The following SGCD variants were observed in gnomAD, a reference collection of about 807,000 sequenced individuals.
SGCD encodes delta-sarcoglycan.
SGCD carries 18 observed loss-of-function variants against 36.6 expected under a neutral mutation model. That is an observed-to-expected ratio of 0.49 (90% CI 0.34 to 0.73). The LOEUF is 0.73. SGCD is among the 30% of genes least tolerant of loss of function. The pLI is 0.01. For synonymous variants in SGCD, 133 were observed against 130.6 expected, an observed-to-expected ratio of 1.02 and a Z score of -0.12; for missense variants, 387 against 346.7, an observed-to-expected ratio of 1.12 and a Z score of -0.92.
intron 3 of SGCD, among the ~76,000 whole-genome samples, chr5:156,234,864 G>A (rs1029496107): frequency 6.6e-6 from 1 of 152,140 alleles, no homozygotes; most frequent in East Asian, 1.9e-4. Flanking sequence ...GAACTAGGTA[G>A]GGTTGTAATC....
intron 3 of SGCD, among the ~76,000 whole-genome samples, chr5:156,430,712 G>A (rs1773897874): frequency 6.6e-6 from 1 of 151,636 alleles, no homozygotes; most frequent in South Asian, 2.1e-4. Flanking sequence ...GATTATTTTA[G>A]CTTAATTTGA....
chr5:155,876,659 A>G (rs1755774468), intron 1 of SGCD, among the ~76,000 whole-genome samples: 1 of 152,096 alleles, frequency 6.6e-6, no homozygotes, highest in African/African-American at 2.4e-5. Context: ...GTGATCATCT[A>G]AGTCCATGCC....
chr5:156,264,910 A>C (rs531983504), intron 3 of SGCD, among the ~76,000 whole-genome samples: 18 of 152,282 alleles, frequency 1.2e-4, no homozygotes, highest in South Asian at 6.2e-4. Flanking sequence ...TGAATTCTTC[A>C]TTCCAAACTC....
intron 4 of SGCD, among the ~76,000 whole-genome samples, chr5:156,528,850 G>A (rs1757755915): frequency 1.3e-5 from 2 of 152,252 alleles, no homozygotes; most frequent in African/African-American, 2.4e-5. Context: ...GTCCTTCAAA[G>A]CTTTGGGTTT....
At chr5:155,809,543 T>A in the SGCD span, among the ~76,000 whole-genome samples, 5 of 152,102 alleles carry the variant, frequency 3.3e-5, no homozygotes, top group Admixed American at 6.5e-5. Flanking sequence ...AATACCTGAA[T>A]GTGTGATCAA....
chr5:155,921,631 G>T (rs752415990), intron 1 of SGCD, among the ~76,000 whole-genome samples: 1 of 152,144 alleles, frequency 6.6e-6, no homozygotes. Context: ...CAAATGGGAT[G>T]TGAAGCCTCT....
At chr5:156,302,097 T>C (rs1351028850) in intron 3 of SGCD, among the ~76,000 whole-genome samples, 2 of 152,310 alleles carry the variant, frequency 1.3e-5, no homozygotes, top group Non-Finnish European at 2.9e-5. Flanking sequence ...ATAAACTTTC[T>C]ACGGCTATCT....
At chr5:155,788,114 T>C in the SGCD span, among the ~76,000 whole-genome samples, 1 of 152,178 alleles carries the variant, frequency 6.6e-6, no homozygotes, top group African/African-American at 2.4e-5. Context: ...GGTGTGACTC[T>C]TTACCCTGAA....
At chr5:155,970,837 A>T (rs1335525890) in intron 1 of SGCD, among the ~76,000 whole-genome samples, 1 of 152,206 alleles carries the variant, frequency 6.6e-6, no homozygotes, top group Non-Finnish European at 1.5e-5. Flanking sequence ...TTGTTTCAGT[A>T]GCAAGTATCA....
intron 3 of SGCD, among the ~76,000 whole-genome samples, chr5:156,380,864 G>A (rs562164047): frequency 3.9e-5 from 6 of 152,310 alleles, no homozygotes; most frequent in African/African-American, 1.4e-4. Context: ...GGCATGGGAT[G>A]TGATGATACA....
At chr5:156,582,773 G>C (rs1760325866) in intron 4 of SGCD, among the ~76,000 whole-genome samples, 1 of 152,028 alleles carries the variant, frequency 6.6e-6, no homozygotes, top group African/African-American at 2.4e-5. Flanking sequence ...ACTATCCTTT[G>C]GACACACACA....
intron 1 of SGCD, among the ~76,000 whole-genome samples, chr5:155,998,263 C>G (rs953777147): frequency 6.6e-6 from 1 of 152,072 alleles, no homozygotes; most frequent in Non-Finnish European, 1.5e-5. Flanking sequence ...ATGTAGAATT[C>G]TAATGTCAGC....
chr5:156,003,785 T>C (rs1303771276), intron 1 of SGCD, among the ~76,000 whole-genome samples: 1 of 152,190 alleles, frequency 6.6e-6, no homozygotes, highest in Admixed American at 6.5e-5. Context: ...TTTAAAGTAA[T>C]GATCCTCAGG....
At chr5:156,513,369 C>G (rs111681388) in intron 4 of SGCD, among the ~76,000 whole-genome samples, 21 of 152,266 alleles carry the variant, frequency 1.4e-4, no homozygotes, top group East Asian at 5.8e-4. Flanking sequence ...TTCCATTCAC[C>G]ACTTTGTTAT....
At chr5:155,758,720 G>A in the SGCD span, among the ~76,000 whole-genome samples, 3 of 152,256 alleles carry the variant, frequency 2.0e-5, no homozygotes, top group Non-Finnish European at 2.9e-5. Flanking sequence ...AAGTAGAACA[G>A]TTTCATTCCC....
chr5:156,206,417 T>A (rs1326469022), intron 3 of SGCD, among the ~76,000 whole-genome samples: 1 of 152,040 alleles, frequency 6.6e-6, no homozygotes, highest in Non-Finnish European at 1.5e-5. Flanking sequence ...AGAGTATTCT[T>A]AGGTATTGCA....
chr5:155,971,693 A>G (rs1581019695), intron 1 of SGCD, among the ~76,000 whole-genome samples: 1 of 152,036 alleles, frequency 6.6e-6, no homozygotes, highest in South Asian at 2.1e-4. Flanking sequence ...CTGATATAAT[A>G]TTACCTGGGA....
At chr5:156,184,286 A>T (rs1581153632) in intron 3 of SGCD, among the ~76,000 whole-genome samples, 1 of 152,008 alleles carries the variant, frequency 6.6e-6, no homozygotes, top group African/African-American at 2.4e-5. Context: ...TAAGATGGTG[A>T]CCATCTGTCC....
At chr5:156,153,033 C>T (rs17053254) in intron 3 of SGCD, among the ~76,000 whole-genome samples, 6,251 of 151,532 alleles carry the variant, frequency 0.041, 458 homozygotes, top group African/African-American at 0.11. Flanking sequence ...CTTTAAATGA[C>T]GTAAGCTCAT....
Sources: gnomAD v4.1 joint callset for allele counts (sites outside exome capture counted in the v4.1 genomes callset) on GRCh38, gnomAD v4.1.1 for gene constraint, MANE v1.5 for transcripts, NCBI Gene and HGNC (gene_info 2026-07-23, HGNC 2026-07-21) for gene names.